TAF4B: variants seen among roughly 807,000 people sequenced by gnomAD.
The protein encoded by TAF4B is transcription initiation factor TFIID subunit 4B.
TAF4B carries 38 observed loss-of-function variants against 86.4 expected under a neutral mutation model. The observed-to-expected ratio is 0.44, with a 90% CI of 0.34 to 0.58. The LOEUF is 0.58. Ranked by LOEUF, TAF4B falls within the 20% of genes least tolerant of loss-of-function variation. The probability of loss-of-function intolerance (pLI) is 0.02; values close to 1 mark genes in which losing one functional copy is unlikely to be tolerated. For synonymous variants in TAF4B, 388 were observed against 391.2 expected, an observed-to-expected ratio of 0.99 and a Z score of 0.10; for missense variants, 988 against 1,027.6, an observed-to-expected ratio of 0.96 and a Z score of 0.53.
At chr18:26,246,539 G>GTT (rs112614474) in intron 1 of TAF4B, among the ~76,000 whole-genome samples, 6,561 of 150,760 alleles carry the variant, frequency 0.044, 197 homozygotes, top group Non-Finnish European at 0.061. Context: ...TTGTTTTTGT[G>GTT]GTTTTTTTTT....
At chr18:26,260,271 A>G (rs936298251) in intron 1 of TAF4B, among the ~76,000 whole-genome samples, 2 of 152,092 alleles carry the variant, frequency 1.3e-5, no homozygotes, top group African/African-American at 4.8e-5. Flanking sequence ...GCTGTGCAGA[A>G]GCTCTTTAGT....
intron 3 of TAF4B, among the ~76,000 whole-genome samples, chr18:26,268,447 C>T (rs2056270122): frequency 6.6e-6 from 1 of 152,142 alleles, no homozygotes; most frequent in Non-Finnish European, 1.5e-5. Context: ...CCTAGATTCC[C>T]TTCCCCTCAA....
intron 2 of TAF4B, chr18:26,266,344 T>G (rs1417042989): frequency 6.6e-6 from 1 of 151,686 alleles, no homozygotes; most frequent in Admixed American, 6.6e-5. Context: ...ACTCTTGACC[T>G]CAGGTGATCC....
At chr18:26,330,700 A>G (rs957257239) in intron 12 of TAF4B, among the ~76,000 whole-genome samples, 6 of 152,214 alleles carry the variant, frequency 3.9e-5, no homozygotes, top group African/African-American at 9.6e-5. Flanking sequence ...CCGTGAGTTC[A>G]TATGGATACC....
At position 26,261,172 on chromosome 18, in the gene TAF4B, A is replaced by ATTTT. The variant is rs71169839; in HGVS notation, c.344-3974_344-3971dup. 2.3e-4 allele frequency among the ~76,000 whole-genome samples: 18 copies of ATTTT among 77,104 alleles called. 1 individual carries two copies. The highest frequency in any genetic ancestry group is 3.3e-4 in the Non-Finnish European group (13 of 39,608). The allele number at this position is 77,104 out of a possible 152,430, so 50.6% of individuals were successfully genotyped here. ...CACATCCTTGAACATGAGCACTGTC[A>ATTTT]TTTTTTTTTTTTTTTTTTTTTTTTT... is the stretch of plus-strand genomic sequence containing the variant. On this transcript the variant is annotated intron_variant, in intron 1 of 14. Transcript: ENST00000269142.
chr18:26,284,009 G>A (rs2056481177), intron 6 of TAF4B, among the ~76,000 whole-genome samples: 2 of 151,732 alleles, frequency 1.3e-5, no homozygotes, highest in Admixed American at 6.6e-5. Flanking sequence ...AGCCAAGATC[G>A]TGCATTGCAC....
intron 1 of TAF4B, among the ~76,000 whole-genome samples, chr18:26,232,713 C>T (rs963780762): frequency 6.6e-6 from 1 of 152,336 alleles, no homozygotes; most frequent in East Asian, 1.9e-4. Flanking sequence ...CAAAGTCCTC[C>T]TTTCTCAGCA....
intron 9 of TAF4B, among the ~76,000 whole-genome samples, chr18:26,308,546 T>C (rs894450772): frequency 2.0e-5 from 3 of 152,114 alleles, no homozygotes; most frequent in Admixed American, 6.6e-5. Context: ...GTTATAATGC[T>C]GTGGTGTGAA....
At chr18:26,240,759 A>C (rs753944152) in intron 1 of TAF4B, among the ~76,000 whole-genome samples, 6 of 152,210 alleles carry the variant, frequency 3.9e-5, no homozygotes, top group Non-Finnish European at 8.8e-5. Flanking sequence ...GATACGTCAC[A>C]TCAATACCTA....
rs961157136 is a variant in TAF4B, at chr18:26,327,144, A to T, written c.2259+4A>T. ...AATGTTACTTAAGGCAGCCAAGGTA[A>T]GGGCCAGTGTGATTTATGAGTGAAT... is the stretch of plus-strand genomic sequence containing the variant. On this transcript the variant is annotated splice_donor_region_variant and intron_variant, in intron 12 of 14. Coordinates refer to ENST00000269142, the MANE Select transcript of TAF4B (RefSeq NM_005640.3). 1 of 1,610,072 alleles carries T rather than the reference A, an allele frequency of 6.2e-7. No homozygotes were observed. The highest frequency in any genetic ancestry group is 8.5e-7 in the Non-Finnish European group (1 of 1,179,402).
At chr18:26,360,855 GAA>G (rs1247343227) in intron 14 of TAF4B, among the ~76,000 whole-genome samples, 4 of 152,142 alleles carry the variant, frequency 2.6e-5, no homozygotes, top group African/African-American at 9.7e-5. Context: ...GTATGGTTTT[GAA>G]AATATTTGTG....
At chr18:26,309,365 A>G (rs1389710444) in intron 9 of TAF4B, among the ~76,000 whole-genome samples, 3 of 143,888 alleles carry the variant, frequency 2.1e-5, no homozygotes, top group Non-Finnish European at 3.0e-5. Flanking sequence ...GCTTTCCAAT[A>G]GTTATATTTT....
At chr18:26,312,567 A>G (rs2144659668) in intron 9 of TAF4B, among the ~76,000 whole-genome samples, 1 of 152,266 alleles carries the variant, frequency 6.6e-6, no homozygotes, top group Middle Eastern at 3.4e-3. Flanking sequence ...CTGTCTCCTC[A>G]TTGACTGAAT....
chr18:26,346,481 A>G (rs2057180118), intron 13 of TAF4B, among the ~76,000 whole-genome samples: 2 of 151,886 alleles, frequency 1.3e-5, no homozygotes, highest in Admixed American at 6.6e-5. Flanking sequence ...ATTTGGAGAG[A>G]CACATCCAGG....
At chr18:26,291,510 C>T (rs1307168447) in intron 7 of TAF4B, among the ~76,000 whole-genome samples, 1 of 151,872 alleles carries the variant, frequency 6.6e-6, no homozygotes, top group Non-Finnish European at 1.5e-5. Context: ...AGTTCGAGAC[C>T]AGCCTGGCCA....
Position 26,316,960 on chromosome 18 carries a change from A to G in TAF4B, c.2002+1562A>G, listed in dbSNP as rs182040955. Among the ~76,000 whole-genome samples, 87 of 151,936 alleles carry G rather than the reference A, an allele frequency of 5.7e-4. No homozygotes were observed. The East Asian group carries it at 0.014, about 25-fold the overall frequency. On this transcript the variant is annotated intron_variant, in intron 10 of 14. Coordinates refer to ENST00000269142, the MANE Select transcript of TAF4B (RefSeq NM_005640.3). ...TGGTAGCTTAACTCCTTATTGCCAT[A>G]TAATTATCTAGTGCTTTGGTAAAAT...
chr18:26,315,271 C>T lies in TAF4B; in HGVS notation c.1875C>T (p.Val625=). Residue 625 remains valine (V), a synonymous_variant, in exon 10 of 15, where the codon GTC becomes GTT. Coordinates refer to ENST00000269142, the MANE Select transcript of TAF4B (RefSeq NM_005640.3). ...ATGATGTGACTTCTATGGCAGGGGT[C>T]AACCTTAATGAAGAAAATGCCTGCA... The part of the protein sequence containing the change: ...DINDVTSMAG[V]NLNEENACIL... 6.2e-7 allele frequency: 1 copy of T among 1,612,096 alleles called. No individual in the cohort carries two copies. Among genetic ancestry groups the T allele is most frequent in the Non-Finnish European group, 8.5e-7 (1 of 1,179,742 alleles).
chr18:26,367,542 C>T (rs2057379996), intron 14 of TAF4B, among the ~76,000 whole-genome samples: 1 of 152,196 alleles, frequency 6.6e-6, no homozygotes, highest in South Asian at 2.1e-4. Flanking sequence ...TGCATCCTTA[C>T]ATTGGTAAGG....
chr18:26,278,947 C>T (rs751228469), intron 5 of TAF4B, among the ~76,000 whole-genome samples: 5 of 151,666 alleles, frequency 3.3e-5, no homozygotes, highest in South Asian at 2.1e-4. Context: ...GGCAGAAGCT[C>T]GAACCATTTC....
Sources: allele counts gnomAD v4.1 joint callset (sites outside exome capture counted in the v4.1 genomes callset), GRCh38; gene constraint gnomAD v4.1.1; transcripts MANE v1.5; gene names NCBI Gene and HGNC (gene_info 2026-07-23, HGNC 2026-07-21).